The following SLC4A10 variants were observed in gnomAD, a reference collection of about 807,000 sequenced individuals.
SLC4A10 encodes sodium-driven chloride bicarbonate exchanger.
SLC4A10 carries 42 observed loss-of-function variants against 137.7 expected under a neutral mutation model. The observed-to-expected ratio is 0.30, with a 90% CI of 0.24 to 0.39. The LOEUF (loss-of-function observed/expected upper bound fraction) is 0.39, where lower values mean the gene tolerates loss of function less well. SLC4A10 is among the 10% of genes least tolerant of loss of function. The pLI is 1.00. For synonymous variants in SLC4A10, 474 were observed against 464.1 expected, an observed-to-expected ratio of 1.02 and a Z score of -0.27; for missense variants, 925 against 1,355.0, an observed-to-expected ratio of 0.68 and a Z score of 4.98.
intron 1 of SLC4A10, among the ~76,000 whole-genome samples, chr2:161,648,559 A>G (rs1034812786): frequency 6.6e-6 from 1 of 152,226 alleles, no homozygotes; most frequent in African/African-American, 2.4e-5. Flanking sequence ...CATATAATTT[A>G]GTTGTAAAAA....
intron 5 of SLC4A10, among the ~76,000 whole-genome samples, chr2:161,861,359 A>G (rs370398011): frequency 4.6e-5 from 7 of 152,316 alleles, no homozygotes; most frequent in African/African-American, 1.7e-4. Context: ...ACAAAAATAT[A>G]TATTTCCTTG....
Position 161,904,020 on chromosome 2 carries a change from A to T in SLC4A10, c.1459A>T (p.Ile487Phe). 6.3e-7 allele frequency: 1 copy of T among 1,579,982 alleles called. No homozygotes were observed. The highest frequency in any genetic ancestry group is 8.6e-7 in the Non-Finnish European group (1 of 1,161,270). ...QRTGRIFGGL[I>F]LDIKRKAPYF... ...CTGTCTTAGGATTTTTGGGGGACTTATTTTAGATATCAAAAGAAAAGCTCC... is the reference window on the plus strand; with the variant it reads ...CTGTCTTAGGATTTTTGGGGGACTTTTTTTAGATATCAAAAGAAAAGCTCC... Residue 487 changes from isoleucine to phenylalanine, a missense_variant, in exon 13 of 27, where the codon ATT becomes TTT. This residue lies in a region of SLC4A10 where 61 missense variants were observed against 59.0 expected (regional missense o/e 1.03). Transcript: ENST00000446997.
chr2:161,848,579 C>T (rs1231413432), intron 4 of SLC4A10, among the ~76,000 whole-genome samples: 2 of 151,942 alleles, frequency 1.3e-5, no homozygotes, highest in Non-Finnish European at 2.9e-5. Context: ...GTAGGGGTCC[C>T]GTTTCAATCT....
At position 161,676,183 on chromosome 2, in the gene SLC4A10, A is replaced by C. The variant is rs75863787; in HGVS notation, c.48+51617A>C. Among the ~76,000 whole-genome samples, 12 of 152,250 alleles carry C rather than the reference A, an allele frequency of 7.9e-5. No homozygotes were observed. In the East Asian group the frequency reaches 1.9e-3, roughly 24 times the overall value. ...ATCAAAGCAGCCCATAATCCACCAA[A>C]AGTTAAGAACTACTTTCTGCATCAG... On this transcript the variant is annotated intron_variant, in intron 1 of 26. Transcript: ENST00000446997.
chr2:161,772,025 C>T (rs1379719961), intron 2 of SLC4A10, among the ~76,000 whole-genome samples: 1 of 151,888 alleles, frequency 6.6e-6, no homozygotes, highest in East Asian at 1.9e-4. Flanking sequence ...ACAACACTGA[C>T]ATAACAGGAG....
chr2:161,659,045 C>G (rs1011874924), intron 1 of SLC4A10, among the ~76,000 whole-genome samples: 1 of 152,022 alleles, frequency 6.6e-6, no homozygotes, highest in Non-Finnish European at 1.5e-5. Flanking sequence ...AGCAATCCCA[C>G]TACTGGGTAC....
intron 1 of SLC4A10, among the ~76,000 whole-genome samples, chr2:161,686,840 C>T (rs1177335418): frequency 6.6e-6 from 1 of 151,432 alleles, no homozygotes; most frequent in Non-Finnish European, 1.5e-5. Context: ...CCAAGGGCTG[C>T]TGGTTGCCCA....
chr2:161,806,949 C>A (rs2056040710), intron 3 of SLC4A10, among the ~76,000 whole-genome samples: 1 of 152,112 alleles, frequency 6.6e-6, no homozygotes, highest in Non-Finnish European at 1.5e-5. Flanking sequence ...TGAGACTAGG[C>A]AATTTACAGA....
intron 4 of SLC4A10, among the ~76,000 whole-genome samples, chr2:161,842,096 G>T (rs2059220381): frequency 6.6e-6 from 1 of 152,030 alleles, no homozygotes; most frequent in African/African-American, 2.4e-5. Context: ...AGTCTTGATA[G>T]ACATTTAGGT....
intron 15 of SLC4A10, among the ~76,000 whole-genome samples, chr2:161,940,172 C>G (rs1027828028): frequency 3.3e-5 from 5 of 152,060 alleles, no homozygotes; most frequent in African/African-American, 9.7e-5. Context: ...AAGTCACAAC[C>G]CACTTCCCTT....
At chr2:161,649,523 T>C (rs1271907449) in intron 1 of SLC4A10, among the ~76,000 whole-genome samples, 1 of 152,234 alleles carries the variant, frequency 6.6e-6, no homozygotes, top group Non-Finnish European at 1.5e-5. Flanking sequence ...TATTTTTTCT[T>C]ACAGATTCTT....
intron 15 of SLC4A10, among the ~76,000 whole-genome samples, chr2:161,906,225 C>A (rs1295666050): frequency 6.6e-6 from 1 of 152,060 alleles, no homozygotes; most frequent in Non-Finnish European, 1.5e-5. Context: ...ATTTCAGGGT[C>A]TTTTTAATTT....
At chr2:161,904,978 A>T (rs1219227657) in intron 14 of SLC4A10, 69 bp downstream of exon 14, 44 of 1,499,020 alleles carry the variant, frequency 2.9e-5, no homozygotes, top group Non-Finnish European at 3.6e-5. Flanking sequence ...ACTTCTCCCA[A>T]CATCACTTTT....
At chr2:161,894,375 A>G (rs2063228120) in intron 10 of SLC4A10, among the ~76,000 whole-genome samples, 2 of 152,004 alleles carry the variant, frequency 1.3e-5, no homozygotes, top group African/African-American at 2.4e-5. Context: ...TGATTTTCCC[A>G]TACATAAATA....
At chr2:161,906,881 C>T (rs1345605133) in intron 15 of SLC4A10, among the ~76,000 whole-genome samples, 3 of 151,716 alleles carry the variant, frequency 2.0e-5, no homozygotes, top group Admixed American at 6.6e-5. Context: ...AGTGAAACCC[C>T]GTCTCTACTA....
In SLC4A10 at chr2:161,889,748, AT is replaced by A. The variant is rs977856624; in HGVS notation, c.1195-4924del. ...AAAAAACCAGCTCTTGGATTCACTG[AT>A]TTTTTTGAAGGGTTTTTGTGTGTGT... On this transcript the variant is annotated intron_variant, in intron 10 of 26. Coordinates refer to ENST00000446997, the MANE Select transcript of SLC4A10 (RefSeq NM_001178015.2). 6.6e-5 allele frequency among the ~76,000 whole-genome samples: 10 copies of A among 151,724 alleles called. 1 individual carries two copies. The highest frequency in any genetic ancestry group is 1.2e-4 in the Non-Finnish European group (8 of 67,888).
chr2:161,817,777 A>T (rs550846798), intron 3 of SLC4A10, among the ~76,000 whole-genome samples: 24 of 152,168 alleles, frequency 1.6e-4, no homozygotes, highest in African/African-American at 5.3e-4. Context: ...TTTGTCAAAG[A>T]TCAGATAGTT....
Position 161,983,296 on chromosome 2 carries a change from A to C in SLC4A10, c.*144A>C. 1.3e-6 allele frequency: 2 copies of C among 1,484,694 alleles called. No individual in the cohort carries two copies. Among genetic ancestry groups the C allele is most frequent in the Non-Finnish European group, 1.8e-6 (2 of 1,103,386 alleles). The allele number at this position is 1,484,694 out of a possible 1,614,324, so 92.0% of individuals were successfully genotyped here. On this transcript the variant is annotated 3_prime_UTR_variant, in exon 27 of 27. Coordinates refer to ENST00000446997, the MANE Select transcript of SLC4A10 (RefSeq NM_001178015.2). Reference sequence around the variant, plus strand: ...TATATATGAGAAGAGTGTCACAATTATTAATAAAACTGCTTTGATCATGTA... The same window carrying C: ...TATATATGAGAAGAGTGTCACAATTCTTAATAAAACTGCTTTGATCATGTA...
At chr2:161,639,536 C>T (rs2034974735) in intron 1 of SLC4A10, among the ~76,000 whole-genome samples, 1 of 151,960 alleles carries the variant, frequency 6.6e-6, no homozygotes, top group African/African-American at 2.4e-5. Flanking sequence ...ATGATCATCC[C>T]AATAGATGCA....
Sources: allele counts gnomAD v4.1 joint callset (sites outside exome capture counted in the v4.1 genomes callset), GRCh38; gene constraint gnomAD v4.1.1; regional missense constraint gnomAD v4.1.1; transcripts MANE v1.5; gene names NCBI Gene and HGNC (gene_info 2026-07-23, HGNC 2026-07-21).